Variants in ELFN1 observed in about 807,000 individuals in gnomAD.
ELFN1 encodes the protein protein ELFN1.
Under a neutral mutation model 7.6 loss-of-function variants are expected in ELFN1, and 6 were observed. That is an observed-to-expected ratio of 0.79 (90% CI 0.43 to 1.56). The LOEUF is 1.56. Ranked by LOEUF, ELFN1 falls within the 40% of genes most tolerant of loss-of-function variation. The pLI, the probability that ELFN1 is intolerant of heterozygous loss-of-function variation, is 0.01. For synonymous variants in ELFN1, 657 were observed against 588.1 expected (o/e 1.12, Z -1.70); for missense variants, 1,169 against 1,232.2 (o/e 0.95, Z 0.77).
At position 1,745,502 on chromosome 7, in the gene ELFN1, A is replaced by C. The variant is rs751913133; in HGVS notation, c.906A>C (p.Pro302=). ...DECFSGDGTT[P]LVALPTLATQ... Reference sequence around the variant, plus strand: ...GCTTCTCCGGGGACGGCACCACGCCACTGGTGGCCCTGCCCACGCTGGCCA... The same window carrying C: ...GCTTCTCCGGGGACGGCACCACGCCCCTGGTGGCCCTGCCCACGCTGGCCA... Residue 302 remains proline, a synonymous_variant, in exon 4 of 4, where the codon CCA becomes CCC. Transcript: ENST00000424383. The C allele has an allele frequency of 3.1e-5, 48 of 1,544,752 alleles. No homozygotes were observed. Among genetic ancestry groups the C allele is most frequent in the Non-Finnish European group, 4.2e-5 (48 of 1,146,800 alleles).
chr7:1,723,320 G>C (rs966149258), intron 3 of ELFN1, among the ~76,000 whole-genome samples: 9 of 152,218 alleles, frequency 5.9e-5, no homozygotes, highest in Non-Finnish European at 1.3e-4. Flanking sequence ...CAACGTTATC[G>C]TGACACATTT....
chr7:1,731,061 C>T (rs915795619), intron 3 of ELFN1, among the ~76,000 whole-genome samples: 18 of 152,264 alleles, frequency 1.2e-4, no homozygotes, highest in East Asian at 1.2e-3. Flanking sequence ...CCACTTACAA[C>T]GGCACCAATA....
rs1562394059 is a variant in ELFN1, at chr7:1,746,981, C to CGCGGGCCATGCCCT, written c.2389_2402dup (p.Lys802AlafsTer67). The CGCGGGCCATGCCCT allele has an allele frequency of 6.4e-7, 1 of 1,559,370 alleles. No homozygotes were observed. The highest frequency in any genetic ancestry group is 1.4e-5 in the African/African-American group (1 of 73,252). ...ACAAGGAGGAAGAGGAGTTCATGGC[C>CGCGGGCCATGCCCT]GCGGGCCATGCCCTGCGCAAGAAGG... On this transcript the variant is annotated frameshift_variant, in exon 4 of 4. Coordinates refer to ENST00000424383, the MANE Select transcript of ELFN1 (RefSeq NM_001128636.4). LOFTEE classifies it high-confidence loss of function.
intron 3 of ELFN1, among the ~76,000 whole-genome samples, chr7:1,711,204 A>C (rs1779642799): frequency 6.6e-6 from 1 of 152,240 alleles, no homozygotes; most frequent in South Asian, 2.1e-4. Flanking sequence ...TATGTGGACC[A>C]GTCTCCGAGG....
At chr7:1,719,601 G>A (rs1176641411) in intron 3 of ELFN1, among the ~76,000 whole-genome samples, 1 of 151,720 alleles carries the variant, frequency 6.6e-6, no homozygotes. Context: ...AGCCGAGTTT[G>A]GATGGGGCCA....
chr7:1,737,210 C>T (rs901272890), intron 3 of ELFN1, among the ~76,000 whole-genome samples: 1 of 152,164 alleles, frequency 6.6e-6, no homozygotes, highest in Non-Finnish European at 1.5e-5. Flanking sequence ...TGGTTACACC[C>T]CGTCTCGCAC....
rs1309787050 is a variant in ELFN1, at chr7:1,747,190, C to CG, written c.*113dup. The CG allele has an allele frequency of 1.6e-5, 21 of 1,278,468 alleles. No homozygotes were observed. The highest frequency in any genetic ancestry group is 5.4e-5 in the South Asian group (3 of 55,914). 79.2% of individuals were successfully genotyped at this position (1,278,468 alleles called of 1,614,324 possible). Reference sequence around the variant, plus strand: ...CACGCCACCACAGCAACTGTGACAGCGGGGGGCCCTGCAGAGGCGAGGGGG... The same window carrying CG: ...CACGCCACCACAGCAACTGTGACAGCGGGGGGGCCCTGCAGAGGCGAGGGGG... On this transcript the variant is annotated 3_prime_UTR_variant, in exon 4 of 4. Transcript: ENST00000424383.
chr7:1,668,266 G>A (rs1481579451), upstream of ELFN1, among the ~76,000 whole-genome samples: 2 of 152,244 alleles, frequency 1.3e-5, no homozygotes, highest in African/African-American at 4.8e-5. Context: ...CCGAGGAAAT[G>A]GACTCATCAT....
At chr7:1,709,878 T>G (rs1324274734) in intron 3 of ELFN1, among the ~76,000 whole-genome samples, 1 of 152,238 alleles carries the variant, frequency 6.6e-6, no homozygotes, top group Non-Finnish European at 1.5e-5. Context: ...GCTGGACAAG[T>G]TCTTTTTCTG....
At chr7:1,671,170 GCC>G (rs113308645) in intron 1 of ELFN1, among the ~76,000 whole-genome samples, 76 of 138,256 alleles carry the variant, frequency 5.5e-4, no homozygotes, top group African/African-American at 1.6e-3. Context: ...ACCGCACACC[GCC>G]CCCCCCCCCA....
intron 2 of ELFN1, among the ~76,000 whole-genome samples, 192 bp from the exon 3 acceptor site, chr7:1,708,899 G>C (rs2128587405): frequency 6.6e-6 from 1 of 152,264 alleles, no homozygotes; most frequent in East Asian, 1.9e-4. Context: ...ATGGCTCTGT[G>C]TGTCAGCCTG....
At chr7:1,717,974 G>T (rs1182132306) in intron 3 of ELFN1, among the ~76,000 whole-genome samples, 1 of 152,182 alleles carries the variant, frequency 6.6e-6, no homozygotes, top group East Asian at 1.9e-4. Flanking sequence ...GTTGAAGAAC[G>T]GTAGTTTAAA....
At chr7:1,743,932 G>A (rs1254062585) in intron 3 of ELFN1, among the ~76,000 whole-genome samples, 3 of 152,172 alleles carry the variant, frequency 2.0e-5, no homozygotes, top group Non-Finnish European at 2.9e-5. Flanking sequence ...TCCCTTATCC[G>A]ACCGGGGTTG....
Position 1,745,813 on chromosome 7 carries a change from C to G in ELFN1, c.1217C>G (p.Pro406Arg). The change falls in exon 4 of 4, where the codon CCT becomes CGT. Residue 406 changes from proline (P) to arginine (R), a missense_variant. This residue lies in a region of ELFN1 where 914 missense variants were observed against 872.6 expected (regional missense o/e 1.05). Coordinates refer to ENST00000424383, the MANE Select transcript of ELFN1 (RefSeq NM_001128636.4). ...TICLPRLPSPPGPVPSPSTAT... is the reference protein window; with the variant it reads ...TICLPRLPSPRGPVPSPSTAT... ...TGCTTGCCCCGGCTGCCCAGCCCGCCTGGTCCGGTGCCCAGCCCCTCCACG... is the reference window on the plus strand; with the variant it reads ...TGCTTGCCCCGGCTGCCCAGCCCGCGTGGTCCGGTGCCCAGCCCCTCCACG... The G allele has an allele frequency of 1.3e-6, 2 of 1,566,424 alleles. No individual in the cohort carries two copies. The highest frequency in any genetic ancestry group is 1.7e-6 in the Non-Finnish European group (2 of 1,157,926).
rs139475217 is a variant in ELFN1 at position 1,713,108 on chromosome 7, C to T, written c.-294+3856C>T. Among the ~76,000 whole-genome samples, 23 of 152,338 alleles carry T rather than the reference C, an allele frequency of 1.5e-4. No homozygotes were observed. In the East Asian group the frequency reaches 4.1e-3, roughly 27 times the overall value. Reference sequence around the variant, plus strand: ...CCAAGTTCAGGCTCCTCCAGGCTCACCACAGCCTGGTGGGATCACCCCAGC... The same window carrying T: ...CCAAGTTCAGGCTCCTCCAGGCTCATCACAGCCTGGTGGGATCACCCCAGC... On this transcript the variant is annotated intron_variant, in intron 3 of 3. Coordinates refer to ENST00000424383, the MANE Select transcript of ELFN1 (RefSeq NM_001128636.4).
chr7:1,700,438 A>G (rs1177914312), intron 2 of ELFN1, among the ~76,000 whole-genome samples: 1 of 152,182 alleles, frequency 6.6e-6, no homozygotes, highest in Admixed American at 6.5e-5. Flanking sequence ...TGAACTTCCC[A>G]TAAATGAAAT....
At chr7:1,737,481 G>T (rs1780482062) in intron 3 of ELFN1, among the ~76,000 whole-genome samples, 1 of 152,166 alleles carries the variant, frequency 6.6e-6, no homozygotes, top group African/African-American at 2.4e-5. Flanking sequence ...GAGGCGGGTG[G>T]GTCCCACTCT....
chr7:1,675,529 CAT>C (rs1201942274), intron 1 of ELFN1, among the ~76,000 whole-genome samples: 1 of 152,240 alleles, frequency 6.6e-6, no homozygotes, highest in Non-Finnish European at 1.5e-5. Context: ...ACCTCTTAGT[CAT>C]TAACTCTCTC....
chr7:1,736,409 G>T (rs920084914), intron 3 of ELFN1, among the ~76,000 whole-genome samples: 2 of 152,202 alleles, frequency 1.3e-5, no homozygotes, highest in Non-Finnish European at 2.9e-5. Context: ...TGATCGAGAC[G>T]AGGAACAATA....
Sources: allele counts gnomAD v4.1 joint callset (sites outside exome capture counted in the v4.1 genomes callset), GRCh38; gene constraint gnomAD v4.1.1; regional missense constraint gnomAD v4.1.1; transcripts MANE v1.5; gene names NCBI Gene and HGNC (gene_info 2026-07-23, HGNC 2026-07-21).